UGT2B4: variants seen among roughly 807,000 people sequenced by gnomAD.
The protein encoded by UGT2B4 is UDP glucuronosyltransferase family 2 member B4.
UGT2B4 carries 49 observed loss-of-function variants against 49.8 expected under a neutral mutation model. The ratio of observed to expected loss-of-function variants is 0.98; its 90% CI spans 0.78 to 1.25. The LOEUF is 1.25. Among genes scored for constraint, UGT2B4 ranks in the 50% most tolerant of loss-of-function variants. The probability of loss-of-function intolerance (pLI) is 0.00; values close to 1 mark genes in which losing one functional copy is unlikely to be tolerated. For synonymous variants in UGT2B4, 246 were observed against 217.7 expected, an observed-to-expected ratio of 1.13 and a Z score of -1.14; for missense variants, 729 against 627.7, an observed-to-expected ratio of 1.16 and a Z score of -1.73.
intron 5 of UGT2B4, among the ~76,000 whole-genome samples, chr4:69,484,013 C>T (rs1170704068): frequency 1.3e-5 from 2 of 151,436 alleles, no homozygotes; most frequent in African/African-American, 4.9e-5. Context: ...GACATTTTTC[C>T]AAAGAATGTA....
chr4:69,506,455 G>T (rs1344921912), intron 1 of UGT2B4, among the ~76,000 whole-genome samples: 1 of 152,072 alleles, frequency 6.6e-6, no homozygotes, highest in Non-Finnish European at 1.5e-5. Flanking sequence ...ACACCTCTAT[G>T]CACAAGAACT....
chr4:69,484,351 A>G (rs190361499), intron 5 of UGT2B4, among the ~76,000 whole-genome samples: 219 of 152,320 alleles, frequency 1.4e-3, no homozygotes, highest in African/African-American at 4.8e-3. Context: ...AATGCTCCTA[A>G]TAGCCACAAC....
At chr4:69,500,594 C>A (rs374062228), upstream of UGT2B4, among the ~76,000 whole-genome samples, 21 of 70,376 alleles carry the variant, frequency 3.0e-4, no homozygotes, top group South Asian at 1.0e-3. Flanking sequence ...AGAAAGCAAG[C>A]AAGAAAGCAA....
chr4:69,490,168 G>C (rs1727937796), intron 2 of UGT2B4, among the ~76,000 whole-genome samples: 1 of 152,048 alleles, frequency 6.6e-6, no homozygotes, highest in South Asian at 2.1e-4. Context: ...AAAAGGTGGT[G>C]GTTAAGAATC....
intron 2 of UGT2B4, among the ~76,000 whole-genome samples, chr4:69,491,687 C>T (rs144558963): frequency 1.3e-5 from 2 of 152,208 alleles, no homozygotes; most frequent in Admixed American, 6.5e-5. Flanking sequence ...TACTACGACT[C>T]AATCTTTTTC....
intron 1 of UGT2B4, among the ~76,000 whole-genome samples, chr4:69,514,919 GA>G (rs1230915935): frequency 1.3e-5 from 2 of 152,094 alleles, no homozygotes; most frequent in Non-Finnish European, 2.9e-5. Flanking sequence ...GATCGTTAAG[GA>G]AAAATAAAGA....
At chr4:69,502,091 CTCTT>C (rs1157898949) in intron 1 of UGT2B4, among the ~76,000 whole-genome samples, 2,157 of 108,312 alleles carry the variant, frequency 0.02, 43 homozygotes, top group Non-Finnish European at 0.026. Context: ...TTCTTTCTCT[CTCTT>C]TCTTTCTTTC....
chr4:69,506,716 C>A (rs1266023915), intron 1 of UGT2B4, among the ~76,000 whole-genome samples: 3 of 152,140 alleles, frequency 2.0e-5, no homozygotes, highest in Admixed American at 6.6e-5. Flanking sequence ...CTCCCTAAGT[C>A]ATTTTATGAG....
At chr4:69,514,007 T>A (rs1391961305) in intron 1 of UGT2B4, among the ~76,000 whole-genome samples, 6 of 127,408 alleles carry the variant, frequency 4.7e-5, no homozygotes, top group African/African-American at 1.5e-4. Context: ...TATTTTTTTT[T>A]AATTTTTTTT....
At chr4:69,494,749 G>A (rs1343532530) in intron 1 of UGT2B4, among the ~76,000 whole-genome samples, 3 of 152,098 alleles carry the variant, frequency 2.0e-5, no homozygotes, top group African/African-American at 7.2e-5. Context: ...TTTCTGCAAT[G>A]TTATATAGAT....
chr4:69,482,605 C>T (rs568662227), intron 5 of UGT2B4, among the ~76,000 whole-genome samples: 2 of 151,966 alleles, frequency 1.3e-5, no homozygotes, highest in South Asian at 4.2e-4. Context: ...AATATATACT[C>T]CTTTTTTTTT....
intron 1 of UGT2B4, 38 bp downstream of exon 1, chr4:69,495,103 G>T: frequency 6.7e-7 from 1 of 1,492,816 alleles, no homozygotes; most frequent in South Asian, 1.5e-5. Flanking sequence ...GTACAAGAAA[G>T]TTAGATCTTC....
At position 69,516,764 on chromosome 4, in the gene UGT2B4, C is replaced by T. The variant is rs529992846; in HGVS notation, c.-106+8923G>A. Among the ~76,000 whole-genome samples the T allele has an allele frequency of 1.1e-3, 165 of 152,052 alleles. 1 individual carries two copies. The highest frequency in any genetic ancestry group is 1.4e-3 in the Non-Finnish European group (97 of 67,958). On this transcript the variant is annotated intron_variant, in intron 1 of 1. Coordinates refer to the UGT2B4 transcript ENST00000510114. ...CTGGGAGTACAGGCACCCACCACCA[C>T]GCCTGGCTAATTTTTGTATTTTTAG...
At position 69,495,713 on chromosome 4, in the gene UGT2B4, CCT is replaced by C; in HGVS notation, c.147_148del (p.Gly50SerfsTer2). 1 of 1,614,054 alleles carries C rather than the reference CCT, an allele frequency of 6.2e-7. No individual in the cohort carries two copies. Among genetic ancestry groups the C allele is most frequent in the South Asian group, 1.1e-5 (1 of 91,082 alleles). ...AGATGCCAATACAGTCACCTCATGA[CCT>C]CTCTGGACAAGTTCATCCAGGATTG... On this transcript the variant is annotated frameshift_variant, in exon 1 of 6. Coordinates refer to ENST00000305107, the MANE Select transcript of UGT2B4 (RefSeq NM_021139.3). LOFTEE classifies it high-confidence loss of function.
At chr4:69,494,427 CTTG>C (rs1211415250) in intron 1 of UGT2B4, among the ~76,000 whole-genome samples, 3 of 152,068 alleles carry the variant, frequency 2.0e-5, no homozygotes, top group Non-Finnish European at 4.4e-5. Flanking sequence ...ATTTTGAGAA[CTTG>C]TTGAAACAGA....
chr4:69,515,984 A>T (rs1202491955), intron 1 of UGT2B4, among the ~76,000 whole-genome samples: 1 of 152,002 alleles, frequency 6.6e-6, no homozygotes, highest in African/African-American at 2.4e-5. Context: ...ATTTTTTCTG[A>T]TGCTCTCCCT....
chr4:69,496,994 T>C (rs1728185834), upstream of UGT2B4, among the ~76,000 whole-genome samples: 1 of 152,144 alleles, frequency 6.6e-6, no homozygotes, highest in Admixed American at 6.5e-5. Context: ...CATTCAGTAT[T>C]AATTATTACA....
At chr4:69,487,382 G>T (rs1727824096) in intron 3 of UGT2B4, among the ~76,000 whole-genome samples, 1 of 152,072 alleles carries the variant, frequency 6.6e-6, no homozygotes, top group Non-Finnish European at 1.5e-5. Context: ...AGAAAATGTG[G>T]TACATGTTCA....
At chr4:69,510,374 A>C (rs1417253308) in intron 1 of UGT2B4, among the ~76,000 whole-genome samples, 1 of 152,166 alleles carries the variant, frequency 6.6e-6, no homozygotes. Flanking sequence ...TTATGAATTT[A>C]AAAATAATAT....
Sources: gnomAD v4.1 joint callset for allele counts (sites outside exome capture counted in the v4.1 genomes callset) on GRCh38, gnomAD v4.1.1 for gene constraint, MANE v1.5 for transcripts, NCBI Gene and HGNC (gene_info 2026-07-23, HGNC 2026-07-21) for gene names.